Variants in FMN1 observed in about 807,000 individuals in gnomAD.
FMN1 encodes the protein formin 1, also known as formin-1.
In FMN1, 110 loss-of-function variants were observed where a neutral mutation model predicts 132.4. That is an observed-to-expected ratio of 0.83 (90% CI 0.71 to 0.97). FMN1 has a LOEUF of 0.97. Ranked by LOEUF, FMN1 falls within the 50% of genes least tolerant of loss-of-function variation. The pLI, the probability that FMN1 is intolerant of heterozygous loss-of-function variation, is 0.00. For missense variants in FMN1, 1,792 were observed against 1,705.3 expected, an observed-to-expected ratio of 1.05 and a Z score of -0.90; for synonymous variants, 722 against 651.7, an observed-to-expected ratio of 1.11 and a Z score of -1.64.
chr15:33,076,650 AT>A (rs2038222672), intron 5 of FMN1, among the ~76,000 whole-genome samples: 1 of 152,220 alleles, frequency 6.6e-6, no homozygotes. Flanking sequence ...GAAAGATGTC[AT>A]TAATTGCATT....
intron 6 of FMN1, among the ~76,000 whole-genome samples, chr15:33,011,478 A>C (rs781343224): frequency 3.3e-5 from 5 of 152,048 alleles, no homozygotes; most frequent in Non-Finnish European, 5.9e-5. Flanking sequence ...TTATCTTATA[A>C]AATTTATCTT....
intron 19 of FMN1, among the ~76,000 whole-genome samples, chr15:32,792,294 A>AG (rs2057110134): frequency 6.6e-6 from 1 of 150,752 alleles, no homozygotes; most frequent in Admixed American, 6.6e-5. Context: ...AAAAAAAAAA[A>AG]ATTAGCCGGG....
At chr15:33,191,570 T>C (rs1459375086) in intron 2 of FMN1, among the ~76,000 whole-genome samples, 1 of 152,236 alleles carries the variant, frequency 6.6e-6, no homozygotes, top group African/African-American at 2.4e-5. Flanking sequence ...AAATCCAGGT[T>C]ACTCTGGGAG....
intron 13 of FMN1, among the ~76,000 whole-genome samples, chr15:32,901,408 T>C (rs963330750): frequency 6.6e-6 from 1 of 152,224 alleles, no homozygotes; most frequent in Non-Finnish European, 1.5e-5. Flanking sequence ...AGGCAGGTGC[T>C]AGAATTTAAC....
intron 6 of FMN1, among the ~76,000 whole-genome samples, chr15:33,020,914 C>G (rs2035384625): frequency 1.3e-5 from 2 of 152,206 alleles, no homozygotes; most frequent in Non-Finnish European, 2.9e-5. Context: ...ACGACTGGAA[C>G]TTTAACAAAT....
chr15:33,055,053 T>A (rs529190682), intron 6 of FMN1, among the ~76,000 whole-genome samples: 1 of 152,124 alleles, frequency 6.6e-6, no homozygotes, highest in Non-Finnish European at 1.5e-5. Flanking sequence ...CAGGCCATGA[T>A]GGGAAGTGGG....
At chr15:33,109,915 G>C (rs948617941) in intron 4 of FMN1, among the ~76,000 whole-genome samples, 4 of 151,228 alleles carry the variant, frequency 2.6e-5, no homozygotes, top group African/African-American at 9.7e-5. Context: ...ACCTAAAAAA[G>C]TAAGACAGTG....
intron 6 of FMN1, among the ~76,000 whole-genome samples, chr15:33,036,634 A>AT (rs2036205170): frequency 6.6e-6 from 1 of 152,164 alleles, no homozygotes; most frequent in South Asian, 2.1e-4. Context: ...CAGACCAAGT[A>AT]GAGTTTAAAA....
chr15:33,067,543 T>G, intron 5 of FMN1: 1 of 1,614,000 alleles, frequency 6.2e-7, no homozygotes, highest in Non-Finnish European at 8.5e-7. Flanking sequence ...CAAGGAGAGA[T>G]GTCCCTGCTT....
intron 4 of FMN1, among the ~76,000 whole-genome samples, chr15:33,105,080 A>G (rs1408893461): frequency 1.3e-5 from 2 of 152,026 alleles, no homozygotes; most frequent in African/African-American, 2.4e-5. Flanking sequence ...GTCTGACACA[A>G]TCTCTCTCAC....
intron 5 of FMN1, among the ~76,000 whole-genome samples, chr15:33,075,155 ACTGGTAAGAACAGTAC>A (rs1399023696): frequency 6.6e-6 from 1 of 151,896 alleles, no homozygotes; most frequent in Non-Finnish European, 1.5e-5. Context: ...TCACCTGGAA[ACTGGTAAGAACAGTAC>A]CTACACTTCA....
intron 4 of FMN1, among the ~76,000 whole-genome samples, chr15:33,105,394 G>C (rs1470104008): frequency 6.6e-6 from 1 of 151,932 alleles, no homozygotes; most frequent in Admixed American, 6.6e-5. Context: ...TAGGGGATTT[G>C]GTGGGGTATC....
intron 5 of FMN1, among the ~76,000 whole-genome samples, chr15:33,087,545 C>CA (rs1284548267): frequency 1.3e-5 from 2 of 151,894 alleles, no homozygotes; most frequent in East Asian, 1.9e-4. Flanking sequence ...GACTCCATCT[C>CA]AAAAAAACAG....
intron 19 of FMN1, among the ~76,000 whole-genome samples, chr15:32,785,851 A>T (rs1406225356): frequency 3.3e-5 from 5 of 152,214 alleles, no homozygotes; most frequent in African/African-American, 1.2e-4. Context: ...ATATTGGCAG[A>T]CAAAGGCAAA....
intron 10 of FMN1, among the ~76,000 whole-genome samples, chr15:32,921,515 T>C (rs1412961860): frequency 1.3e-5 from 2 of 152,134 alleles, no homozygotes; most frequent in Non-Finnish European, 2.9e-5. Context: ...ACATGGCCCT[T>C]CTTAGATTTC....
chr15:32,881,591 G>T (rs2059771895), intron 16 of FMN1, among the ~76,000 whole-genome samples: 1 of 152,222 alleles, frequency 6.6e-6, no homozygotes, highest in South Asian at 2.1e-4. Context: ...GAACCATATT[G>T]TTGTTTATGG....
chr15:33,017,966 G>A (rs1440454122), intron 6 of FMN1, among the ~76,000 whole-genome samples: 1 of 152,014 alleles, frequency 6.6e-6, no homozygotes, highest in Non-Finnish European at 1.5e-5. Context: ...TCGGGGGGCA[G>A]AGGTAGGAGA....
chr15:32,976,525 G>A (rs1238994329), intron 7 of FMN1, among the ~76,000 whole-genome samples: 5 of 152,068 alleles, frequency 3.3e-5, no homozygotes, highest in African/African-American at 1.2e-4. Context: ...AATGGCATTG[G>A]GTTTGATGAG....
At chr15:32,845,810 C>T (rs1406588113) in intron 17 of FMN1, among the ~76,000 whole-genome samples, 1 of 152,156 alleles carries the variant, frequency 6.6e-6, no homozygotes, top group African/African-American at 2.4e-5. Flanking sequence ...CACAGAGGGT[C>T]AAAGTGGGAC....
Sources: gnomAD v4.1 joint callset for allele counts (sites outside exome capture counted in the v4.1 genomes callset) on GRCh38, gnomAD v4.1.1 for gene constraint, MANE v1.5 for transcripts, NCBI Gene and HGNC (gene_info 2026-07-23, HGNC 2026-07-21) for gene names.